PRDM9: variants seen among roughly 807,000 people sequenced by gnomAD.
PRDM9 encodes PR/SET domain 9.
PRDM9 carries 47 observed loss-of-function variants against 55.6 expected under a neutral mutation model. That is an observed-to-expected ratio of 0.85 (90% CI 0.67 to 1.08). The LOEUF (loss-of-function observed/expected upper bound fraction) is 1.08, where lower values mean the gene tolerates loss of function less well. PRDM9 is among the 50% of genes least tolerant of loss of function. The pLI, the probability that PRDM9 is intolerant of heterozygous loss-of-function variation, is 0.00. For synonymous variants in PRDM9, 312 were observed against 375.7 expected (o/e 0.83, Z 1.96); for missense variants, 867 against 1,040.3 (o/e 0.83, Z 2.29).
intron 4 of PRDM9, among the ~76,000 whole-genome samples, chr5:23,513,733 G>A (rs1739145826): frequency 6.6e-6 from 1 of 152,004 alleles, no homozygotes; most frequent in Non-Finnish European, 1.5e-5. Context: ...TACAAAATTA[G>A]CCGGGCATAG....
Position 23,527,693 on chromosome 5 carries a change from T to C in PRDM9, c.2605T>C (p.Phe869Leu), listed in dbSNP as rs761207382. 1 of 1,582,894 alleles carries C rather than the reference T, an allele frequency of 6.3e-7. No homozygotes were observed. Among genetic ancestry groups the C allele is most frequent in the African/African-American group, 1.4e-5 (1 of 70,944 alleles). ...CGTCTGCAGGGAGTGTGGGCGGGGC[T>C]TTAGCGATAGGTCAAGCCTCTGCTA... Reference protein sequence around the residue: ...PYVCRECGRGFSDRSSLCYHQ... With the variant: ...PYVCRECGRGLSDRSSLCYHQ... Residue 869 changes from phenylalanine (F) to leucine (L), a missense_variant, in exon 11 of 11, where the codon TTT becomes CTT. Phe to Leu is a conservative substitution (Grantham distance 22). This residue lies in a region of PRDM9 where 86 missense variants were observed against 73.6 expected (regional missense o/e 1.17). Coordinates refer to ENST00000296682, the MANE Select transcript of PRDM9 (RefSeq NM_020227.4).
chr5:23,511,366 GAT>G (rs1739094329), intron 4 of PRDM9, among the ~76,000 whole-genome samples: 1 of 152,070 alleles, frequency 6.6e-6, no homozygotes, highest in South Asian at 2.1e-4. Context: ...TTGTTTTTGA[GAT>G]AGAGTCTCAT....
rs1739461979 is a variant in PRDM9 at position 23,526,937 on chromosome 5, T to G, written c.1849T>G (p.Phe617Val). The G allele has an allele frequency of 6.3e-7, 1 of 1,592,760 alleles. No individual in the cohort carries two copies. Among genetic ancestry groups the G allele is most frequent in the Non-Finnish European group, 8.5e-7 (1 of 1,174,050 alleles). Residue 617 changes from phenylalanine to valine, a missense_variant, in exon 11 of 11, where the codon TTT becomes GTT. Transcript: ENST00000296682. ...PYVCRECGRGFSRQSVLLTHQ... is the reference protein window; with the variant it reads ...PYVCRECGRGVSRQSVLLTHQ... ...TGTCTGCAGGGAGTGTGGGCGGGGC[T>G]TTAGCCGGCAGTCAGTCCTCCTCAC...
At chr5:23,512,162 C>A (rs891674365) in intron 4 of PRDM9, among the ~76,000 whole-genome samples, 6 of 152,058 alleles carry the variant, frequency 3.9e-5, no homozygotes, top group African/African-American at 1.5e-4. Flanking sequence ...TTTAATCATA[C>A]TATATGATCC....
chr5:23,514,496 T>A lies in PRDM9; in HGVS notation c.302-3385T>A, dbSNP rs1579589918. ...ACAGCCTCACTCTGTTGCCCCAGGC[T>A]GGAGTTCAGTGGTGCGATCTCAGCT... On this transcript the variant is annotated intron_variant, in intron 4 of 10. Coordinates refer to ENST00000296682, the MANE Select transcript of PRDM9 (RefSeq NM_020227.4). 3.3e-5 allele frequency among the ~76,000 whole-genome samples: 5 copies of A among 152,234 alleles called. No homozygotes were observed. In the South Asian group the frequency reaches 1.0e-3, roughly 32 times the overall value.
intron 6 of PRDM9, among the ~76,000 whole-genome samples, chr5:23,521,487 G>A (rs530550086): frequency 6.6e-5 from 10 of 152,242 alleles, no homozygotes; most frequent in Admixed American, 2.0e-4. Context: ...ATAGGCGTGC[G>A]CCACTGTGCC....
chr5:23,518,284 T>C (rs1189755911), intron 5 of PRDM9, among the ~76,000 whole-genome samples: 1 of 152,228 alleles, frequency 6.6e-6, no homozygotes, highest in East Asian at 1.9e-4. Flanking sequence ...GTTATATCCC[T>C]GGGATCACAT....
At chr5:23,521,265 T>G (rs1739323769) in intron 6 of PRDM9, 86 bp downstream of exon 6, 1 of 1,509,110 alleles carries the variant, frequency 6.6e-7, no homozygotes, top group African/African-American at 1.4e-5. Context: ...TGGGGTGGAC[T>G]TTGCATAGGC....
chr5:23,517,917 G>A lies in PRDM9; in HGVS notation c.338G>A (p.Arg113His), dbSNP rs553898626. The change falls in exon 5 of 11, where the codon CGT becomes CAT. Residue 113 changes from arginine to histidine, a missense_variant. Arg to His is a conservative substitution (Grantham distance 29). Around this residue, in one of 5 missense-constraint regions of PRDM9, gnomAD observed 662 missense variants for 711.9 expected, o/e 0.93. Coordinates refer to ENST00000296682, the MANE Select transcript of PRDM9 (RefSeq NM_020227.4). ...PPWMALRVEQRKHQKGMPKAS... is the reference protein window; with the variant it reads ...PPWMALRVEQHKHQKGMPKAS... ...TGGATGGCCTTAAGAGTGGAACAGC[G>A]TAAACACCAGAAGGTAAGTATTTCC... 4.1e-5 allele frequency: 65 copies of A among 1,599,144 alleles called. 1 individual carries two copies. Among genetic ancestry groups the A allele is most frequent in the South Asian group, 3.7e-4 (34 of 90,748 alleles).
At chr5:23,512,302 A>T (rs1177312841) in intron 4 of PRDM9, among the ~76,000 whole-genome samples, 1 of 152,188 alleles carries the variant, frequency 6.6e-6, no homozygotes, top group African/African-American at 2.4e-5. Context: ...ATAATGTATC[A>T]TAATTATAAA....
In PRDM9 at chr5:23,524,468, G is replaced by T. The variant is rs757065734; in HGVS notation, c.1085G>T (p.Gly362Val). 1.1e-5 allele frequency: 17 copies of T among 1,613,818 alleles called. No individual in the cohort carries two copies. The highest frequency in any genetic ancestry group is 1.4e-5 in the Non-Finnish European group (16 of 1,179,882). The change falls in exon 10 of 11, where the codon GGC becomes GTC. Residue 362 changes from glycine (G) to valine (V), a missense_variant. Gly to Val is a moderately radical substitution (Grantham distance 109, BLOSUM62 -3). Transcript: ENST00000296682. The part of the protein sequence containing the change: ...ELLVWYGDEY[G>V]QELGIKWGSK... ...CTGGTCTGGTATGGGGATGAATACG[G>T]CCAGGAACTGGGCATCAAGTGGGGC...
Position 23,527,223 on chromosome 5 carries a change from G to C in PRDM9, c.2135G>C (p.Arg712Thr). 1 of 906,208 alleles carries C rather than the reference G, an allele frequency of 1.1e-6. No individual in the cohort carries two copies. The highest frequency in any genetic ancestry group is 1.7e-6 in the Non-Finnish European group (1 of 600,452). The allele number at this position is 906,208 out of a possible 1,614,324, so 56.1% of individuals were successfully genotyped here. Residue 712 changes from arginine (R) to threonine (T), a missense_variant, in exon 11 of 11, where the codon AGG becomes ACG. Physicochemically the swap from Arg to Thr is moderately conservative, Grantham distance 71 (BLOSUM62 -1). Coordinates refer to ENST00000296682, the MANE Select transcript of PRDM9 (RefSeq NM_020227.4). ...CAGTCAGTCCTCCTCACTCACCAGA[G>C]GACACACACAGGGGAGAAGCCCTAT... ...SWQSVLLTHQ[R>T]THTGEKPYVC...
intron 4 of PRDM9, among the ~76,000 whole-genome samples, chr5:23,512,258 T>A (rs1739113697): frequency 2.6e-5 from 4 of 152,190 alleles, no homozygotes; most frequent in Admixed American, 2.0e-4. Context: ...CTTTCCCATA[T>A]GTCACTGACC....
At chr5:23,523,502 A>G (rs1739375088) in intron 9 of PRDM9, 144 bp downstream of exon 9, 2 of 771,614 alleles carry the variant, frequency 2.6e-6, no homozygotes, top group Non-Finnish European at 4.2e-6. Flanking sequence ...TTATACCATC[A>G]ACATTTAGAA....
intron 4 of PRDM9, among the ~76,000 whole-genome samples, chr5:23,515,990 T>G (rs1311202085): frequency 1.3e-5 from 2 of 152,264 alleles, no homozygotes; most frequent in Non-Finnish European, 2.9e-5. Context: ...GTTCAGCTAT[T>G]CTGAGTCCTT....
At chr5:23,515,252 A>T (rs1348768857) in intron 4 of PRDM9, among the ~76,000 whole-genome samples, 1 of 152,156 alleles carries the variant, frequency 6.6e-6, no homozygotes, top group African/African-American at 2.4e-5. Flanking sequence ...GGCATGAGCC[A>T]CAGCGCCTGG....
At chr5:23,525,165 G>T (rs1240364413) in intron 10 of PRDM9, among the ~76,000 whole-genome samples, 1 of 152,226 alleles carries the variant, frequency 6.6e-6, no homozygotes, top group Non-Finnish European at 1.5e-5. Context: ...TCTCTTAGGA[G>T]ACAGCATTTG....
chr5:23,526,728 C>A lies in PRDM9; in HGVS notation c.1640C>A (p.Thr547Lys). The part of the protein sequence containing the change: ...SDVITHQRTH[T>K]GEKLYVCREC... The stretch of plus-strand genomic sequence containing the variant: ...GTTATTACACACCAAAGGACACATA[C>A]AGGGGAGAAGCTCTACGTCTGCAGG... Residue 547 changes from threonine (T) to lysine (K), a missense_variant, in exon 11 of 11, where the codon ACA becomes AAA. By Grantham distance (78) the Thr-to-Lys change is moderately conservative. Transcript: ENST00000296682. 6.2e-7 allele frequency: 1 copy of A among 1,613,478 alleles called. No homozygotes were observed. The highest frequency in any genetic ancestry group is 8.5e-7 in the Non-Finnish European group (1 of 1,179,824).
intron 4 of PRDM9, among the ~76,000 whole-genome samples, chr5:23,514,471 A>G (rs1398811061): frequency 6.6e-6 from 1 of 151,352 alleles, no homozygotes; most frequent in Non-Finnish European, 1.5e-5. Flanking sequence ...TTTTTTTTAG[A>G]CAGCCTCACT....
Sources: gnomAD v4.1 joint callset for allele counts (sites outside exome capture counted in the v4.1 genomes callset) on GRCh38, gnomAD v4.1.1 for gene constraint, gnomAD v4.1.1 regional missense constraint, MANE v1.5 for transcripts, NCBI Gene and HGNC (gene_info 2026-07-23, HGNC 2026-07-21) for gene names.